The following ATXN7L1 variants were observed in gnomAD, a reference collection of about 807,000 sequenced individuals.
ATXN7L1 encodes ataxin 7 like 1.
A neutral mutation model predicts 70.8 loss-of-function variants in ATXN7L1; 15 were observed. That is an observed-to-expected ratio of 0.21 (90% confidence interval 0.14 to 0.33). The LOEUF (loss-of-function observed/expected upper bound fraction) is 0.33, where lower values mean the gene tolerates loss of function less well. ATXN7L1 is among the 10% of genes least tolerant of loss of function. The probability of loss-of-function intolerance (pLI) is 1.00; values close to 1 mark genes in which losing one functional copy is unlikely to be tolerated. For synonymous variants in ATXN7L1, 440 were observed against 445.1 expected (o/e 0.99, Z 0.14); for missense variants, 975 against 1,097.1 (o/e 0.89, Z 1.57).
At chr7:105,664,827 A>G (rs1160850855) in intron 4 of ATXN7L1, among the ~76,000 whole-genome samples, 1 of 151,782 alleles carries the variant, frequency 6.6e-6, no homozygotes, top group African/African-American at 2.4e-5. Flanking sequence ...TCAGCCTCCC[A>G]AAGTGCTGGG....
intron 3 of ATXN7L1, chr7:105,677,870 G>T: frequency 1.1e-6 from 1 of 890,414 alleles, no homozygotes; most frequent in Non-Finnish European, 1.3e-6. Context: ...ACAGCACAGG[G>T]CCATGGTCTC....
In ATXN7L1 at chr7:105,876,560, T is replaced by C; in HGVS notation, c.-2A>G. On this transcript the variant is annotated 5_prime_UTR_variant, in exon 1 of 12. Coordinates refer to ENST00000419735, the MANE Select transcript of ATXN7L1 (RefSeq NM_020725.2). ...GATTCGAGAACGCTCCGACGTCATC[T>C]TCGGAACGTTCCGACATTGAGTGTT... The C allele has an allele frequency of 6.6e-7, 1 of 1,508,454 alleles. No individual in the cohort carries two copies. Among genetic ancestry groups the C allele is most frequent in the Non-Finnish European group, 9.0e-7 (1 of 1,115,376 alleles). 93.4% of individuals were successfully genotyped at this position (1,508,454 alleles called of 1,614,324 possible). A position where few individuals can be genotyped will look rare whatever the true frequency, so the allele number is the denominator to read the frequency against.
intron 3 of ATXN7L1, among the ~76,000 whole-genome samples, chr7:105,778,534 A>AAC (rs1563085233): frequency 1.3e-5 from 2 of 150,794 alleles, no homozygotes; most frequent in African/African-American, 4.9e-5. Context: ...AAAAAAAAAA[A>AAC]ACAAAGACTA....
At chr7:105,866,576 T>G (rs1373981354) in intron 2 of ATXN7L1, among the ~76,000 whole-genome samples, 1 of 152,198 alleles carries the variant, frequency 6.6e-6, no homozygotes, top group Non-Finnish European at 1.5e-5. Context: ...TCATCATTAG[T>G]TCAAGCGCCT....
chr7:105,620,659 C>T (rs1185286191), intron 8 of ATXN7L1, among the ~76,000 whole-genome samples: 1 of 152,128 alleles, frequency 6.6e-6, no homozygotes, highest in East Asian at 1.9e-4. Context: ...CTTTGGGAGG[C>T]TGAGGTGGGC....
At chr7:105,733,565 TC>T (rs1796882707) in intron 3 of ATXN7L1, among the ~76,000 whole-genome samples, 1 of 10,988 alleles carries the variant, frequency 9.1e-5, no homozygotes, top group Non-Finnish European at 2.3e-4. Flanking sequence ...CACCCATCCA[TC>T]CTTCCATCCA....
chr7:105,671,260 C>G (rs1364827092), intron 3 of ATXN7L1, among the ~76,000 whole-genome samples: 1 of 135,532 alleles, frequency 7.4e-6, no homozygotes, highest in East Asian at 2.1e-4. Context: ...TCCAGCCTGA[C>G]AACAGAGTGA....
intron 3 of ATXN7L1, among the ~76,000 whole-genome samples, chr7:105,727,155 G>A (rs1413457126): frequency 6.6e-6 from 1 of 152,168 alleles, no homozygotes; most frequent in African/African-American, 2.4e-5. Flanking sequence ...AAACTGAAAT[G>A]TGTATATGAC....
intron 3 of ATXN7L1, among the ~76,000 whole-genome samples, chr7:105,785,667 G>T (rs994970970): frequency 6.6e-6 from 1 of 152,132 alleles, no homozygotes; most frequent in African/African-American, 2.4e-5. Flanking sequence ...AATCCTACCC[G>T]CAATGTGATG....
At chr7:105,846,004 T>C (rs1813974487) in intron 2 of ATXN7L1, among the ~76,000 whole-genome samples, 1 of 152,128 alleles carries the variant, frequency 6.6e-6, no homozygotes, top group South Asian at 2.1e-4. Flanking sequence ...TTCTTAGATA[T>C]AACACCAAAA....
intron 2 of ATXN7L1, among the ~76,000 whole-genome samples, chr7:105,858,512 C>T (rs1275200744): frequency 1.3e-5 from 2 of 152,164 alleles, no homozygotes; most frequent in African/African-American, 4.8e-5. Flanking sequence ...ACAAAATTTC[C>T]TTTTGGGGGA....
intron 3 of ATXN7L1, chr7:105,761,221 C>T: frequency 6.9e-7 from 1 of 1,459,816 alleles, no homozygotes; most frequent in Non-Finnish European, 9.0e-7. Flanking sequence ...CTTACTAGAT[C>T]CTGACACCAG....
chr7:105,785,229 G>A (rs993738643), intron 3 of ATXN7L1, among the ~76,000 whole-genome samples: 1 of 152,240 alleles, frequency 6.6e-6, no homozygotes, highest in African/African-American at 2.4e-5. Flanking sequence ...ACTTTGGGAG[G>A]CCAAGGTAGG....
chr7:105,795,151 T>C (rs1176889899), intron 2 of ATXN7L1, among the ~76,000 whole-genome samples: 1 of 152,200 alleles, frequency 6.6e-6, no homozygotes, highest in Admixed American at 6.5e-5. Context: ...AACTCAGTTG[T>C]GACGTAAGGA....
At chr7:105,826,597 A>G (rs909080336) in intron 2 of ATXN7L1, among the ~76,000 whole-genome samples, 1 of 152,208 alleles carries the variant, frequency 6.6e-6, no homozygotes, top group African/African-American at 2.4e-5. Flanking sequence ...ACACAGAGGA[A>G]TGTAAATTGT....
At position 105,662,466 on chromosome 7, in the gene ATXN7L1, T is replaced by C. The variant is rs116520568; in HGVS notation, c.578+2600A>G. Among the ~76,000 whole-genome samples the C allele has an allele frequency of 7.7e-3, 1,173 of 152,136 alleles. 15 individuals are homozygous for C. Among genetic ancestry groups the C allele is most frequent in the African/African-American group, 0.027 (1,123 of 41,490 alleles). On this transcript the variant is annotated intron_variant, in intron 4 of 11. Coordinates refer to ENST00000419735, the MANE Select transcript of ATXN7L1 (RefSeq NM_020725.2). ...CTTGACTGTGGCAGGTCTTAAGAAG[T>C]GTGTGTTGAGTTGGACTGGATTGAG... is the stretch of plus-strand genomic sequence containing the variant.
intron 2 of ATXN7L1, among the ~76,000 whole-genome samples, chr7:105,830,053 T>A (rs1193857660): frequency 6.6e-6 from 1 of 152,160 alleles, no homozygotes; most frequent in Non-Finnish European, 1.5e-5. Context: ...TGGTAGATGT[T>A]ACCCCATCCC....
intron 7 of ATXN7L1, among the ~76,000 whole-genome samples, chr7:105,626,693 C>A (rs1027559580): frequency 3.3e-5 from 5 of 152,120 alleles, no homozygotes; most frequent in Admixed American, 1.3e-4. Context: ...GGAAGAGCAA[C>A]AACACTATTG....
intron 4 of ATXN7L1, among the ~76,000 whole-genome samples, chr7:105,656,576 C>CTTTTTTTTTTTT (rs10690416): frequency 3.6e-5 from 5 of 139,928 alleles, no homozygotes; most frequent in African/African-American, 1.3e-4. Flanking sequence ...CTTCTTCTTC[C>CTTTTTTTTTTTT]TTTTTTTTTT....
Sources: gnomAD v4.1 joint callset for allele counts (sites outside exome capture counted in the v4.1 genomes callset) on GRCh38, gnomAD v4.1.1 for gene constraint, MANE v1.5 for transcripts, NCBI Gene and HGNC (gene_info 2026-07-23, HGNC 2026-07-21) for gene names.